MAP2: variants seen among roughly 807,000 people sequenced by gnomAD.
MAP2 encodes microtubule-associated protein 2.
Under a neutral mutation model 137.6 loss-of-function variants are expected in MAP2, and 14 were observed. The observed-to-expected ratio is 0.10, with a 90% CI of 0.07 to 0.16. MAP2 has a LOEUF of 0.16. MAP2 is among the 10% of genes least tolerant of loss of function. The pLI is 1.00. For missense variants in MAP2, 2,088 were observed against 2,191.5 expected, an observed-to-expected ratio of 0.95 and a Z score of 0.94; for synonymous variants, 786 against 782.3, an observed-to-expected ratio of 1.00 and a Z score of -0.08.
At chr2:209,655,001 G>A (rs930366282) in intron 5 of MAP2, among the ~76,000 whole-genome samples, 8 of 152,132 alleles carry the variant, frequency 5.3e-5, no homozygotes, top group African/African-American at 1.9e-4. Context: ...AAAAATCACT[G>A]CAGTGTGCTT....
At chr2:209,591,978 A>G (rs1246634161) in intron 3 of MAP2, among the ~76,000 whole-genome samples, 1 of 152,200 alleles carries the variant, frequency 6.6e-6, no homozygotes, top group Non-Finnish European at 1.5e-5. Context: ...TCCCTGTTGA[A>G]TCAAACACTG....
At chr2:209,428,418 C>A (rs948383637) in intron 1 of MAP2, among the ~76,000 whole-genome samples, 1 of 148,288 alleles carries the variant, frequency 6.7e-6, no homozygotes, top group Non-Finnish European at 1.5e-5. Flanking sequence ...TGTTAATGAG[C>A]AAATAATTTA....
chr2:209,565,618 A>G (rs2073230440), intron 2 of MAP2, among the ~76,000 whole-genome samples: 1 of 152,202 alleles, frequency 6.6e-6, no homozygotes, highest in African/African-American at 2.4e-5. Flanking sequence ...TCATAGGTAT[A>G]TCCTTATCCA....
intron 2 of MAP2, among the ~76,000 whole-genome samples, chr2:209,543,835 T>C (rs371522797): frequency 1.2e-4 from 18 of 152,282 alleles, no homozygotes; most frequent in African/African-American, 4.3e-4. Context: ...AAATGTGAGG[T>C]CAAGTTTTAT....
chr2:209,667,195 C>T (rs1008081107), intron 5 of MAP2, among the ~76,000 whole-genome samples: 3 of 152,004 alleles, frequency 2.0e-5, no homozygotes, highest in African/African-American at 4.8e-5. Flanking sequence ...AGCTTTTGAT[C>T]ACCTTCTAGT....
chr2:209,474,054 G>A (rs1706511835), intron 1 of MAP2, among the ~76,000 whole-genome samples: 1 of 152,146 alleles, frequency 6.6e-6, no homozygotes, highest in African/African-American at 2.4e-5. Flanking sequence ...GATTCATGTT[G>A]TTTTCTAACA....
chr2:209,659,620 A>G (rs2042461934), intron 5 of MAP2, among the ~76,000 whole-genome samples: 1 of 152,194 alleles, frequency 6.6e-6, no homozygotes, highest in South Asian at 2.1e-4. Flanking sequence ...TGAGTAGACA[A>G]AAAGGGGAGG....
At chr2:209,588,705 T>G (rs1480942193) in intron 3 of MAP2, among the ~76,000 whole-genome samples, 1 of 152,144 alleles carries the variant, frequency 6.6e-6, no homozygotes, top group Non-Finnish European at 1.5e-5. Flanking sequence ...GCGTTAAGGA[T>G]TCTTCTGACA....
intron 3 of MAP2, among the ~76,000 whole-genome samples, chr2:209,612,241 T>C (rs187955229): frequency 4.9e-4 from 75 of 152,312 alleles, no homozygotes; most frequent in Non-Finnish European, 9.1e-4. Context: ...TATAATGTGG[T>C]CTATTCATAA....
At chr2:209,548,786 G>A (rs1272065711) in intron 2 of MAP2, among the ~76,000 whole-genome samples, 1 of 152,074 alleles carries the variant, frequency 6.6e-6, no homozygotes, top group Non-Finnish European at 1.5e-5. Context: ...TAAGTGTTTG[G>A]TAGTTCCTCC....
chr2:209,690,788 A>T, intron 7 of MAP2: 4 of 1,289,768 alleles, frequency 3.1e-6, no homozygotes, highest in Non-Finnish European at 4.0e-6. Context: ...ACATGAGAAA[A>T]GTGTAAAAGA....
chr2:209,728,169 C>T (rs908212619), intron 14 of MAP2, among the ~76,000 whole-genome samples: 2 of 151,946 alleles, frequency 1.3e-5, no homozygotes, highest in Admixed American at 1.3e-4. Context: ...AAATTTAACA[C>T]GATTATATTG....
At chr2:209,508,577 C>G (rs985505731) in intron 2 of MAP2, among the ~76,000 whole-genome samples, 6 of 83,216 alleles carry the variant, frequency 7.2e-5, no homozygotes, top group African/African-American at 2.1e-4. Context: ...GACACACTCT[C>G]TCTGTCCCAC....
At chr2:209,582,876 C>T (rs1256427436) in intron 3 of MAP2, among the ~76,000 whole-genome samples, 1 of 152,074 alleles carries the variant, frequency 6.6e-6, no homozygotes, top group Non-Finnish European at 1.5e-5. Context: ...TCTCCTTTAG[C>T]TCTCCCTGTA....
In MAP2 at chr2:209,710,248, G is replaced by C. The variant is rs541515893; in HGVS notation, c.5067G>C (p.Gly1689=). ...STDNIKYQPK[G]GQVQIVTKKI... ...ACAACATCAAATACCAGCCTAAAGG[G>C]GGGCAGGTAAGAATTGCATGAACAC... Residue 1689 remains glycine, a synonymous_variant, in exon 13 of 16, where the codon GGG becomes GGC. Coordinates refer to ENST00000682079, the MANE Select transcript of MAP2 (RefSeq NM_001375505.1). 5.7e-6 allele frequency: 9 copies of C among 1,569,064 alleles called. No homozygotes were observed. In the African/African-American group the frequency reaches 8.1e-5, roughly 14 times the overall value.
At chr2:209,535,206 T>G (rs1211017571) in intron 2 of MAP2, among the ~76,000 whole-genome samples, 1 of 152,200 alleles carries the variant, frequency 6.6e-6, no homozygotes, top group South Asian at 2.1e-4. Flanking sequence ...GTGACTGGAT[T>G]CTTTCAGCTA....
At chr2:209,500,326 T>C (rs1357571429) in intron 1 of MAP2, among the ~76,000 whole-genome samples, 1 of 152,128 alleles carries the variant, frequency 6.6e-6, no homozygotes, top group African/African-American at 2.4e-5. Flanking sequence ...CAATTATTGC[T>C]CTTCTTATGG....
In MAP2 at chr2:209,692,395, T is replaced by C. The variant is rs142378659; in HGVS notation, c.455-230T>C. 2.0e-5 allele frequency among the ~76,000 whole-genome samples: 3 copies of C among 152,078 alleles called. No homozygotes were observed. In the East Asian group the frequency reaches 5.8e-4, roughly 29 times the overall value. On this transcript the variant is annotated intron_variant, in intron 7 of 15. Coordinates refer to ENST00000682079, the MANE Select transcript of MAP2 (RefSeq NM_001375505.1). Reference sequence around the variant, plus strand: ...AGAATATCCAGAAATATACTGTTCTTACAATTCCTTTGCACATTAATTTAC... The same window carrying C: ...AGAATATCCAGAAATATACTGTTCTCACAATTCCTTTGCACATTAATTTAC...
chr2:209,506,979 C>T (rs1559251394), intron 1 of MAP2, among the ~76,000 whole-genome samples: 1 of 152,132 alleles, frequency 6.6e-6, no homozygotes, highest in Non-Finnish European at 1.5e-5. Flanking sequence ...GGTCCTGCTT[C>T]CTGTTTTTTC....
Sources: allele counts gnomAD v4.1 joint callset (sites outside exome capture counted in the v4.1 genomes callset), GRCh38; gene constraint gnomAD v4.1.1; transcripts MANE v1.5; gene names NCBI Gene and HGNC (gene_info 2026-07-23, HGNC 2026-07-21).